PTPRK: variants seen among roughly 807,000 people sequenced by gnomAD.
PTPRK encodes receptor-type tyrosine-protein phosphatase kappa.
In PTPRK, 75 loss-of-function variants were observed where a neutral mutation model predicts 178.0. That is an observed-to-expected ratio of 0.42 (90% confidence interval 0.35 to 0.51). PTPRK has a LOEUF of 0.51. Among genes scored for constraint, PTPRK ranks in the 20% least tolerant of loss-of-function variants. The probability of loss-of-function intolerance (pLI) is 0.02; values close to 1 mark genes in which losing one functional copy is unlikely to be tolerated. For synonymous variants in PTPRK, 637 were observed against 620.6 expected (o/e 1.03, Z -0.39); for missense variants, 1,441 against 1,797.8 (o/e 0.80, Z 3.59).
At chr6:127,997,760 C>T (rs552430515) in intron 16 of PTPRK, among the ~76,000 whole-genome samples, 3 of 152,146 alleles carry the variant, frequency 2.0e-5, no homozygotes, top group East Asian at 3.9e-4. Context: ...TTTGTTACCA[C>T]GGCAGTGTTT....
At chr6:128,408,349 T>G (rs1033755075) in intron 1 of PTPRK, among the ~76,000 whole-genome samples, 2 of 151,990 alleles carry the variant, frequency 1.3e-5, no homozygotes, top group African/African-American at 4.8e-5. Context: ...GATCGTGCCA[T>G]TGCACTCCAG....
intron 5 of PTPRK, among the ~76,000 whole-genome samples, chr6:128,233,799 A>C (rs988596485): frequency 9.2e-5 from 14 of 152,202 alleles, no homozygotes; most frequent in African/African-American, 3.4e-4. Context: ...CACATTAAAC[A>C]GCCTCATTTC....
chr6:128,105,818 G>T (rs548251989), intron 7 of PTPRK, among the ~76,000 whole-genome samples: 3 of 152,144 alleles, frequency 2.0e-5, no homozygotes, highest in African/African-American at 7.2e-5. Flanking sequence ...TACAGCCTGC[G>T]TCATTACCAT....
At chr6:128,000,014 T>A in intron 15 of PTPRK, 1 of 947,026 alleles carries the variant, frequency 1.1e-6, no homozygotes, top group Non-Finnish European at 1.3e-6. Flanking sequence ...AGTACTTTAA[T>A]GACCGAAGTA....
intron 7 of PTPRK, among the ~76,000 whole-genome samples, chr6:128,177,998 G>C (rs1801338802): frequency 6.6e-6 from 1 of 151,744 alleles, no homozygotes; most frequent in Admixed American, 6.6e-5. Flanking sequence ...GAGTAGAAAG[G>C]AAAGAGGGAA....
At chr6:128,119,090 T>C (rs1792029513) in intron 7 of PTPRK, among the ~76,000 whole-genome samples, 1 of 152,132 alleles carries the variant, frequency 6.6e-6, no homozygotes. Flanking sequence ...TAAATTTAAA[T>C]TTCACCTATT....
intron 5 of PTPRK, 97 bp from the exon 6 acceptor site, chr6:128,219,193 T>C (rs1348561752): frequency 1.7e-6 from 2 of 1,183,474 alleles, no homozygotes; most frequent in Non-Finnish European, 2.3e-6. Context: ...ATTATTCTTG[T>C]TGCAAAAGAG....
chr6:128,054,944 G>C (rs1028518029), intron 13 of PTPRK, among the ~76,000 whole-genome samples: 1 of 152,038 alleles, frequency 6.6e-6, no homozygotes, highest in Admixed American at 6.6e-5. Flanking sequence ...AGGATTCCAT[G>C]TTTCTAAAAG....
chr6:128,168,782 G>T (rs1799786062), intron 7 of PTPRK, among the ~76,000 whole-genome samples: 1 of 151,988 alleles, frequency 6.6e-6, no homozygotes, highest in Admixed American at 6.6e-5. Context: ...TGCCAATAAG[G>T]TTGGGGACCG....
chr6:128,380,352 A>C (rs753599452), intron 2 of PTPRK, among the ~76,000 whole-genome samples: 3 of 152,150 alleles, frequency 2.0e-5, no homozygotes, highest in Non-Finnish European at 4.4e-5. Flanking sequence ...ACAAGATACC[A>C]GACTTGGAGA....
intron 2 of PTPRK, among the ~76,000 whole-genome samples, chr6:128,360,790 A>T (rs927707610): frequency 1.3e-5 from 2 of 152,074 alleles, no homozygotes; most frequent in African/African-American, 4.8e-5. Context: ...GTTATTCTAC[A>T]CCCTATACAA....
At chr6:128,205,942 G>A (rs527735149) in intron 6 of PTPRK, among the ~76,000 whole-genome samples, 269 of 151,968 alleles carry the variant, frequency 1.8e-3, no homozygotes, top group Non-Finnish European at 3.1e-3. Context: ...AACTGAATCT[G>A]GAATAGACTT....
At chr6:128,015,334 C>A (rs1336963433) in intron 13 of PTPRK, among the ~76,000 whole-genome samples, 1 of 151,668 alleles carries the variant, frequency 6.6e-6, no homozygotes, top group East Asian at 1.9e-4. Context: ...TTTCATCAAG[C>A]TTCCCACTAA....
At chr6:128,322,968 T>C (rs1038273315) in intron 2 of PTPRK, among the ~76,000 whole-genome samples, 3 of 152,048 alleles carry the variant, frequency 2.0e-5, no homozygotes, top group Non-Finnish European at 4.4e-5. Context: ...ACAGCAGATT[T>C]CCCCACTTGG....
At chr6:127,997,034 A>G (rs1167636481) in intron 16 of PTPRK, 46 bp from the exon 17 acceptor site, 3 of 1,573,906 alleles carry the variant, frequency 1.9e-6, no homozygotes, top group Non-Finnish European at 2.6e-6. Flanking sequence ...ATTCCTTTTT[A>G]AAAATCAGGT....
chr6:128,089,936 C>T lies in PTPRK; in HGVS notation c.1219G>A (p.Ala407Thr). 1 of 1,612,308 alleles carries T rather than the reference C, an allele frequency of 6.2e-7. No homozygotes were observed. The highest frequency in any genetic ancestry group is 2.2e-5 in the East Asian group (1 of 44,870). Residue 407 changes from alanine to threonine, a missense_variant, in exon 8 of 30, where the codon GCT becomes ACT. Ala to Thr is a moderately conservative substitution (Grantham distance 58, BLOSUM62 0). Coordinates refer to ENST00000368226, the MANE Select transcript of PTPRK (RefSeq NM_002844.4). ...KIAEIQARRI[A>T]VDWESLGYNI... ...TAACCCAAGGATTCCCAGTCCACAG[C>T]AATCCGTCTTGCCTGTATTTCAGCA...
intron 1 of PTPRK, among the ~76,000 whole-genome samples, chr6:128,445,498 G>A (rs1846887834): frequency 6.7e-6 from 1 of 149,428 alleles, no homozygotes. Flanking sequence ...TTTATATAAA[G>A]TATATATATG....
At chr6:128,412,638 C>A (rs1388326383) in intron 1 of PTPRK, among the ~76,000 whole-genome samples, 1 of 152,174 alleles carries the variant, frequency 6.6e-6, no homozygotes, top group Non-Finnish European at 1.5e-5. Context: ...AGCATTCCTG[C>A]AATACAGGAA....
At chr6:128,257,034 C>CA in intron 3 of PTPRK, among the ~76,000 whole-genome samples, 1 of 151,638 alleles carries the variant, frequency 6.6e-6, no homozygotes, top group East Asian at 2.0e-4. Context: ...AGTTCGAGAC[C>CA]AGACTGACCA....
Sources: gnomAD v4.1 joint callset for allele counts (sites outside exome capture counted in the v4.1 genomes callset) on GRCh38, gnomAD v4.1.1 for gene constraint, MANE v1.5 for transcripts, NCBI Gene and HGNC (gene_info 2026-07-23, HGNC 2026-07-21) for gene names.